The following TTN variants were observed in gnomAD, a reference collection of about 807,000 sequenced individuals.
TTN encodes titin.
A neutral mutation model predicts 3,223.0 loss-of-function variants in TTN; 1,525 were observed. The observed-to-expected ratio is 0.47, with a 90% CI of 0.45 to 0.49. TTN has a LOEUF of 0.49. TTN is among the 20% of genes least tolerant of loss of function. The pLI, the probability that TTN is intolerant of heterozygous loss-of-function variation, is 0.00. For missense variants in TTN, 40,786 were observed against 43,424.0 expected (o/e 0.94, Z 5.40); for synonymous variants, 14,094 against 15,161.0 (o/e 0.93, Z 5.17).
rs566177500 is a variant in TTN, at chr2:178,666,752, T to C, written c.35875+72A>G. 38 of 1,306,874 alleles carry C rather than the reference T, an allele frequency of 2.9e-5. No homozygotes were observed. The South Asian group carries it at 4.8e-4, about 17-fold the overall frequency. The allele number at this position is 1,306,874 out of a possible 1,614,324, so 81.0% of individuals were successfully genotyped here. On this transcript the variant is annotated intron_variant, in intron 163 of 362. Transcript: ENST00000589042. ...TGTAGCCACTTTGGCTTAAAAGATA[T>C]TAGTATTTTTACATGTGTTAAGTAC... is the stretch of plus-strand genomic sequence containing the variant.
At chr2:178,629,514 A>G (rs1382276760) in intron 239 of TTN, 71 bp from the exon 240 acceptor site, 3 of 1,597,028 alleles carry the variant, frequency 1.9e-6, no homozygotes, top group Non-Finnish European at 2.6e-6. Context: ...AGAGACTTAG[A>G]TATGAATCTT....
chr2:178,789,119 A>T (rs1427975992), intron 13 of TTN, among the ~76,000 whole-genome samples: 2 of 152,260 alleles, frequency 1.3e-5, no homozygotes, highest in South Asian at 2.1e-4. Flanking sequence ...GATGTTAATA[A>T]AATGTTGACA....
chr2:178,550,424 T>C (rs1698919197), intron 336 of TTN, 151 bp from the exon 337 acceptor site: 1 of 635,554 alleles, frequency 1.6e-6, no homozygotes, highest in African/African-American at 1.8e-5. Flanking sequence ...GGATTGATAA[T>C]TGAGAATTTG....
intron 96 of TTN, 38 bp from the exon 97 acceptor site, chr2:178,711,387 T>G (rs2076631364): frequency 6.6e-7 from 1 of 1,520,294 alleles, no homozygotes; most frequent in East Asian, 2.3e-5. Context: ...TACTTTAATT[T>G]ACTAAATGCT....
At chr2:178,611,713 C>G in intron 268 of TTN, 36 bp from the exon 269 acceptor site, 1 of 1,612,002 alleles carries the variant, frequency 6.2e-7, no homozygotes, top group Non-Finnish European at 8.5e-7. Flanking sequence ...TCCACAGTCT[C>G]ATCAAGTTCT....
At chr2:178,724,643 G>A in intron 71 of TTN, 105 bp from the exon 72 acceptor site, 4 of 1,226,854 alleles carry the variant, frequency 3.3e-6, no homozygotes, top group East Asian at 5.5e-5. Flanking sequence ...GTTATGTTAG[G>A]GTGCTCTCTC....
intron 118 of TTN, 66 bp downstream of exon 118, chr2:178,693,856 C>T: frequency 7.0e-7 from 1 of 1,425,470 alleles, no homozygotes; most frequent in Non-Finnish European, 9.8e-7. Context: ...AATTAGACAA[C>T]AAGAGGGATA....
chr2:178,751,868 G>C (rs2085626496), intron 47 of TTN: 1 of 1,608,084 alleles, frequency 6.2e-7, no homozygotes. Flanking sequence ...ATATTTAAAT[G>C]TAAGTTTCTG....
At chr2:178,703,912 T>C (rs2075416570) in intron 106 of TTN, among the ~76,000 whole-genome samples, 1 of 152,252 alleles carries the variant, frequency 6.6e-6, no homozygotes, top group South Asian at 2.1e-4. Flanking sequence ...TTAAAGATTA[T>C]GTCTTAGACT....
chr2:178,677,999 A>G, intron 145 of TTN, 82 bp from the exon 146 acceptor site: 5 of 1,560,596 alleles, frequency 3.2e-6, no homozygotes, highest in Non-Finnish European at 4.3e-6. Context: ...TGAAAGGCAA[A>G]TATTCTGTGA....
chr2:178,736,087 T>C lies in TTN; in HGVS notation c.14372-13A>G. The C allele has an allele frequency of 6.5e-7, 1 of 1,540,122 alleles. No homozygotes were observed. Among genetic ancestry groups the C allele is most frequent in the Non-Finnish European group, 8.7e-7 (1 of 1,147,396 alleles). ...GGTGGATATGCCTCTGCAAAAGAAA[T>C]TTTTCCAGCATTACATTTAGTCCCC... On this transcript the variant is annotated splice_polypyrimidine_tract_variant and intron_variant, in intron 49 of 362. Coordinates refer to ENST00000589042, the MANE Select transcript of TTN (RefSeq NM_001267550.2).
rs755720364 is a variant in TTN at position 178,710,823 on chromosome 2, G to C, written c.28274C>G (p.Pro9425Arg). Residue 9425 changes from proline to arginine, a missense_variant, in exon 98 of 363, where the codon CCG (proline) becomes CGG (arginine). Coordinates refer to ENST00000589042, the MANE Select transcript of TTN (RefSeq NM_001267550.2). ...GTCTTTGGCCCAGCTGACCTTTATC[G>C]GTTGTGTGCCCGTGACGTGGCACTC... is the stretch of plus-strand genomic sequence containing the variant. ...DFECHVTGTQ[P>R]IKVSWAKDSR... The C allele has an allele frequency of 1.2e-6, 2 of 1,613,808 alleles. No homozygotes were observed. The highest frequency in any genetic ancestry group is 1.7e-6 in the Non-Finnish European group (2 of 1,179,816).
chr2:178,712,305 C>A lies in TTN; in HGVS notation c.27607+10G>T. The A allele has an allele frequency of 6.2e-7, 1 of 1,610,444 alleles. No homozygotes were observed. Among genetic ancestry groups the A allele is most frequent in the Non-Finnish European group, 8.5e-7 (1 of 1,177,380 alleles). ...GTATACAAAGATAAAAATGTGCAAT[C>A]ATGACAAACCTAGTATGAGTATTTG... On this transcript the variant is annotated intron_variant, in intron 95 of 362. Transcript: ENST00000589042.
In TTN at chr2:178,783,777, T is replaced by C. The variant is rs727504211; in HGVS notation, c.2784A>G (p.Glu928=). The C allele has an allele frequency of 3.7e-6, 6 of 1,613,320 alleles. No homozygotes were observed. The Admixed American group carries it at 1.0e-4, about 27-fold the overall frequency. ...VLHGREAKVT[E]TARVPAPVEI... is the part of the protein sequence containing the mutation. Reference sequence around the variant, plus strand: ...CAACAGGTGCTGGTACTCTTGCTGTTTCTGTTACCTAGATTTTTACAAATT... The same window carrying C: ...CAACAGGTGCTGGTACTCTTGCTGTCTCTGTTACCTAGATTTTTACAAATT... Residue 928 remains glutamate (E), a synonymous_variant, in exon 17 of 363, where the codon GAA becomes GAG. Coordinates refer to ENST00000589042, the MANE Select transcript of TTN (RefSeq NM_001267550.2).
chr2:178,706,801 T>A, intron 101 of TTN, 61 bp downstream of exon 101: 1 of 1,597,092 alleles, frequency 6.3e-7, no homozygotes, highest in Non-Finnish European at 8.5e-7. Context: ...TCTTCCAAAA[T>A]TAAATCATAA....
At position 178,591,177 on chromosome 2, in the gene TTN, T is replaced by C; in HGVS notation, c.60548A>G (p.Asp20183Gly). The C allele has an allele frequency of 6.2e-7, 1 of 1,613,362 alleles. No individual in the cohort carries two copies. The highest frequency in any genetic ancestry group is 1.1e-5 in the South Asian group (1 of 91,064). ...GPPTGPINIL[D>G]VTPEHMTISW... The stretch of plus-strand genomic sequence containing the variant: ...GATAGTCATGTGTTCAGGAGTAACA[T>C]CCAGAATATTAATAGGACCTGTTGG... The change falls in exon 304 of 363, where the codon GAT becomes GGT. Residue 20183 changes from aspartate (D) to glycine (G), a missense_variant. Coordinates refer to ENST00000589042, the MANE Select transcript of TTN (RefSeq NM_001267550.2).
At chr2:178,646,119 T>TATATATAC (rs2061938511) in intron 216 of TTN, 89 bp from the exon 217 acceptor site, 1 of 131,354 alleles carries the variant, frequency 7.6e-6, no homozygotes, top group Admixed American at 8.6e-5. Context: ...TATATATATA[T>TATATATAC]ATATATATAT....
Position 178,562,975 on chromosome 2 carries a change from C to A in TTN, c.83157G>T (p.Arg27719Ser), listed in dbSNP as rs1342825597. 1.2e-6 allele frequency: 2 copies of A among 1,613,666 alleles called. No homozygotes were observed. The highest frequency in any genetic ancestry group is 8.5e-7 in the Non-Finnish European group (1 of 1,179,742). ...WEKAEGILTD[R>S]AQIEVTSSFT... Reference sequence around the variant, plus strand: ...ATGAGCTGGTCACCTCTATCTGAGCCCTGTCAGTGAGAATGCCTTCTGCCT... The same window carrying A: ...ATGAGCTGGTCACCTCTATCTGAGCACTGTCAGTGAGAATGCCTTCTGCCT... Residue 27719 changes from arginine to serine, a missense_variant, in exon 326 of 363, where the codon AGG becomes AGT. Arg to Ser is a moderately radical substitution (Grantham distance 110). Transcript: ENST00000589042.
In TTN at chr2:178,782,368, C is replaced by A. The variant is rs767690458; in HGVS notation, c.3224G>T (p.Gly1075Val). Reference protein sequence around the residue: ...TDTSLTEEQAGPGEPAAPYFI... With the variant: ...TDTSLTEEQAVPGEPAAPYFI... ...GTAAGGCGCGGCAGGTTCTCCAGGCCCTGCTTGTTCCTCTGTGAGGCTAGT... is the reference window on the plus strand; with the variant it reads ...GTAAGGCGCGGCAGGTTCTCCAGGCACTGCTTGTTCCTCTGTGAGGCTAGT... The change falls in exon 20 of 363, where the codon GGG (glycine) becomes GTG (valine). Residue 1075 changes from glycine to valine, a missense_variant. Transcript: ENST00000589042. 1 of 1,614,030 alleles carries A rather than the reference C, an allele frequency of 6.2e-7. No individual in the cohort carries two copies. The highest frequency in any genetic ancestry group is 1.1e-5 in the South Asian group (1 of 91,074).
Sources: gnomAD v4.1 joint callset for allele counts (sites outside exome capture counted in the v4.1 genomes callset) on GRCh38, gnomAD v4.1.1 for gene constraint, MANE v1.5 for transcripts, NCBI Gene and HGNC (gene_info 2026-07-23, HGNC 2026-07-21) for gene names.